Variants in AGAP1 observed in about 807,000 individuals in gnomAD.
The protein encoded by AGAP1 is ArfGAP with GTPase domain, ankyrin repeat and PH domain 1, also known as arf-GAP with GTPase, ANK repeat and PH domain-containing protein 1.
AGAP1 carries 29 observed loss-of-function variants against 105.3 expected under a neutral mutation model. The observed-to-expected ratio is 0.28, with a 90% CI of 0.21 to 0.38. The LOEUF is 0.38. Among genes scored for constraint, AGAP1 ranks in the 10% least tolerant of loss-of-function variants. The probability of loss-of-function intolerance (pLI) is 1.00; values close to 1 mark genes in which losing one functional copy is unlikely to be tolerated. For missense variants in AGAP1, 998 were observed against 1,165.1 expected (o/e 0.86, Z 2.09); for synonymous variants, 509 against 485.9 (o/e 1.05, Z -0.63).
chr2:235,791,085 A>G lies in AGAP1; in HGVS notation c.674-6674A>G, dbSNP rs184337464. On this transcript the variant is annotated intron_variant, in intron 6 of 17. Transcript: ENST00000304032. ...TCGCTGAAAACACAGATCATATGAA[A>G]ACACATTTAGGAGATGGGCTTGAAT... 4.4e-3 allele frequency among the ~76,000 whole-genome samples: 670 copies of G among 152,352 alleles called. 7 individuals are homozygous for G. The highest frequency in any genetic ancestry group is 0.015 in the African/African-American group (632 of 41,592).
intron 1 of AGAP1, among the ~76,000 whole-genome samples, chr2:235,688,186 G>A (rs763917044): frequency 6.6e-5 from 10 of 152,170 alleles, no homozygotes; most frequent in Non-Finnish European, 1.2e-4. Flanking sequence ...GATTACAGGC[G>A]TGAGCCACCA....
rs1015116011 is a variant in AGAP1, at chr2:235,586,743, A to G, written c.163+91894A>G. ...ACACAGACCACTAAGAGATGTGACA[A>G]AGCTGTTCCATCAGAGGAAACATAG... On this transcript the variant is annotated intron_variant, in intron 1 of 17. Transcript: ENST00000304032. The surrounding 1 kb of genome is among the most constrained non-coding windows in gnomAD (Gnocchi z 4.2). Among the ~76,000 whole-genome samples the G allele has an allele frequency of 2.6e-5, 4 of 152,312 alleles. No homozygotes were observed. In the East Asian group the frequency reaches 7.7e-4, roughly 29 times the overall value.
Position 235,965,934 on chromosome 2 carries a change from G to A in AGAP1, c.1484-2528G>A, listed in dbSNP as rs2054369285. 6.6e-6 allele frequency among the ~76,000 whole-genome samples: 1 copy of A among 152,214 alleles called. No homozygotes were observed. Among genetic ancestry groups the A allele is most frequent in the African/African-American group, 2.4e-5 (1 of 41,454 alleles). ...AGCTAGGAATGTTCATTTAGCAAGA[G>A]AGGGGAGCCCATTCCTCTAGGGATG... On this transcript the variant is annotated intron_variant, in intron 12 of 17. Coordinates refer to ENST00000304032, the MANE Select transcript of AGAP1 (RefSeq NM_001037131.3). This position sits in a 1 kb window ranked among gnomAD's most constrained non-coding sequence, Gnocchi z 5.8.
chr2:235,930,766 G>A lies in AGAP1; in HGVS notation c.1326G>A (p.Gly442=), dbSNP rs771521086. 6 of 1,613,450 alleles carry A rather than the reference G, an allele frequency of 3.7e-6. No individual in the cohort carries two copies. Among genetic ancestry groups the A allele is most frequent in the East Asian group, 4.5e-5 (2 of 44,864 alleles). Reference sequence around the variant, plus strand: ...TTCACCTGACTTGTTTATTCCTAGGGAATGTCACTAGTGCATCTGGGTCTC... The same window carrying A: ...TTCACCTGACTTGTTTATTCCTAGGAAATGTCACTAGTGCATCTGGGTCTC... ...MSSLHISPNS[G]NVTSASGSQM... Residue 442 remains glycine, a splice_region_variant and synonymous_variant, in exon 12 of 18, where the codon GGG becomes GGA. Coordinates refer to ENST00000304032, the MANE Select transcript of AGAP1 (RefSeq NM_001037131.3). This position sits in a 1 kb window ranked among gnomAD's most constrained non-coding sequence, Gnocchi z 7.9.
At chr2:235,784,641 A>G (rs1956504045) in intron 6 of AGAP1, among the ~76,000 whole-genome samples, 1 of 150,476 alleles carries the variant, frequency 6.6e-6, no homozygotes, top group South Asian at 2.1e-4. Flanking sequence ...TCTCTGCTAT[A>G]TACTTAACTC....
intron 1 of AGAP1, among the ~76,000 whole-genome samples, chr2:235,617,164 T>C (rs1191628230): frequency 6.6e-6 from 1 of 152,142 alleles, no homozygotes; most frequent in East Asian, 1.9e-4. Flanking sequence ...AAAATGTTCT[T>C]AAAACACAAA....
Position 236,035,284 on chromosome 2 carries a change from C to G in AGAP1, c.1646-1277C>G, listed in dbSNP as rs1034311550. Among the ~76,000 whole-genome samples, 2 of 152,134 alleles carry G rather than the reference C, an allele frequency of 1.3e-5. No homozygotes were observed. Among genetic ancestry groups the G allele is most frequent in the Non-Finnish European group, 2.9e-5 (2 of 68,032 alleles). On this transcript the variant is annotated intron_variant, in intron 13 of 17. Transcript: ENST00000304032. This position sits in a 1 kb window ranked among gnomAD's most constrained non-coding sequence, Gnocchi z 4.2. ...ATTATAATGCAGCTAGTTCACAGGC[C>G]AGGGCCCGGAAACATTGAGTCAAAT...
chr2:235,495,733 T>C (rs2148990370), intron 1 of AGAP1, among the ~76,000 whole-genome samples: 1 of 152,330 alleles, frequency 6.6e-6, no homozygotes, highest in East Asian at 1.9e-4. Flanking sequence ...GGCTGCTGAT[T>C]TATTTTCTTG....
chr2:235,744,937 T>C lies in AGAP1; in HGVS notation c.538+98T>C. On this transcript the variant is annotated intron_variant, in intron 5 of 17. Transcript: ENST00000304032. This position sits in a 1 kb window ranked among gnomAD's most constrained non-coding sequence, Gnocchi z 5.2. Reference sequence around the variant, plus strand: ...AAAAAATGCTTTAAAGAAGGAAAAATTGCCTACTGAACGCTCACTTTTTTG... The same window carrying C: ...AAAAAATGCTTTAAAGAAGGAAAAACTGCCTACTGAACGCTCACTTTTTTG... 1 of 1,442,512 alleles carries C rather than the reference T, an allele frequency of 6.9e-7. No homozygotes were observed. The highest frequency in any genetic ancestry group is 9.4e-7 in the Non-Finnish European group (1 of 1,067,906). 89.4% of individuals were successfully genotyped at this position (1,442,512 alleles called of 1,614,324 possible). A position where few individuals can be genotyped will look rare whatever the true frequency, so the allele number is the denominator to read the frequency against.
chr2:235,849,583 C>G (rs1318542597), intron 9 of AGAP1, among the ~76,000 whole-genome samples: 4 of 152,168 alleles, frequency 2.6e-5, no homozygotes, highest in South Asian at 2.1e-4. Context: ...CCCGGGCCCC[C>G]TTATGCCTGT....
intron 6 of AGAP1, among the ~76,000 whole-genome samples, chr2:235,778,180 C>T (rs546736895): frequency 1.3e-5 from 2 of 152,198 alleles, no homozygotes; most frequent in South Asian, 4.1e-4. Flanking sequence ...CCCCTCCCTT[C>T]CTCCCTGTGG....
intron 16 of AGAP1, among the ~76,000 whole-genome samples, chr2:236,111,857 G>A (rs2059653932): frequency 6.6e-6 from 1 of 151,688 alleles, no homozygotes; most frequent in Non-Finnish European, 1.5e-5. Context: ...GGAACACACA[G>A]ACCTGCCCAT....
Position 235,962,866 on chromosome 2 carries a change from A to G in AGAP1, c.1484-5596A>G, listed in dbSNP as rs914301835. ...GCATTTTTCAGCACCTCTGGCTTCT[A>G]CCATCTGATGCCTGTAGCACCTCCA... On this transcript the variant is annotated intron_variant, in intron 12 of 17. Transcript: ENST00000304032. This position sits in a 1 kb window ranked among gnomAD's most constrained non-coding sequence, Gnocchi z 5.3. Among the ~76,000 whole-genome samples, 4 of 152,038 alleles carry G rather than the reference A, an allele frequency of 2.6e-5. No homozygotes were observed. The highest frequency in any genetic ancestry group is 9.7e-5 in the African/African-American group (4 of 41,408).
intron 10 of AGAP1, among the ~76,000 whole-genome samples, chr2:235,885,723 G>A (rs1338519738): frequency 6.6e-6 from 1 of 152,170 alleles, no homozygotes; most frequent in Non-Finnish European, 1.5e-5. Context: ...TTGTCTTTTA[G>A]CGTAGCTATA....
intron 6 of AGAP1, among the ~76,000 whole-genome samples, chr2:235,776,745 GTACTCCAGGCAC>G (rs1056683828): frequency 2.6e-4 from 39 of 152,268 alleles, no homozygotes; most frequent in African/African-American, 8.7e-4. Context: ...TGCACACCTT[GTACTCCAGGCAC>G]TGCAAGCTCG....
At chr2:235,562,524 C>T (rs192918075) in intron 1 of AGAP1, among the ~76,000 whole-genome samples, 1 of 151,924 alleles carries the variant, frequency 6.6e-6, no homozygotes, top group African/African-American at 2.4e-5. Flanking sequence ...TCCCCAGCCC[C>T]AGCAGTCCGG....
chr2:235,864,130 A>G lies in AGAP1; in HGVS notation c.1051-19215A>G, dbSNP rs2049050286. On this transcript the variant is annotated intron_variant, in intron 9 of 17. Transcript: ENST00000304032. The surrounding 1 kb of genome is among the most constrained non-coding windows in gnomAD (Gnocchi z 5.0). ...TGATTTAATAAACAGTTGCTGTAGC[A>G]TGTGTAATCTTTGCAGTGACAACAA... Among the ~76,000 whole-genome samples, 1 of 152,206 alleles carries G rather than the reference A, an allele frequency of 6.6e-6. No homozygotes were observed. Among genetic ancestry groups the G allele is most frequent in the African/African-American group, 2.4e-5 (1 of 41,454 alleles).
rs755180351 is a variant in AGAP1 at position 236,120,142 on chromosome 2, T to C, written c.2115-50T>C. On this transcript the variant is annotated intron_variant, in intron 16 of 17. Transcript: ENST00000304032. The surrounding 1 kb of genome is among the most constrained non-coding windows in gnomAD (Gnocchi z 6.0). ...CCACACTGGGCAGGGGCTGGCAGCC[T>C]GTGTTCTCGGGCCTGATCGTGACTG... 1 of 1,566,900 alleles carries C rather than the reference T, an allele frequency of 6.4e-7. No individual in the cohort carries two copies. The highest frequency in any genetic ancestry group is 2.3e-5 in the East Asian group (1 of 44,414).
intron 13 of AGAP1, among the ~76,000 whole-genome samples, chr2:236,008,735 C>T (rs1045238094): frequency 6.6e-6 from 1 of 152,180 alleles, no homozygotes. Flanking sequence ...CTATGTAGAA[C>T]GCCTTGGCAG....
Sources: gnomAD v4.1 joint callset for allele counts (sites outside exome capture counted in the v4.1 genomes callset) on GRCh38, gnomAD v4.1.1 for gene constraint, Gnocchi (gnomAD v3.1) non-coding constraint, MANE v1.5 for transcripts, NCBI Gene and HGNC (gene_info 2026-07-23, HGNC 2026-07-21) for gene names.